Variants in TSGA13 observed in about 807,000 individuals in gnomAD.
TSGA13 encodes the protein testis specific 13.
A neutral mutation model predicts 35.1 loss-of-function variants in TSGA13; 37 were observed. That is an observed-to-expected ratio of 1.05 (90% CI 0.81 to 1.39). The LOEUF (loss-of-function observed/expected upper bound fraction) is 1.39, where lower values mean the gene tolerates loss of function less well. Ranked by LOEUF, TSGA13 falls within the 40% of genes most tolerant of loss-of-function variation. TSGA13 has a pLI of 0.00. For missense variants in TSGA13, 338 were observed against 328.5 expected, an observed-to-expected ratio of 1.03 and a Z score of -0.22; for synonymous variants, 124 against 121.2, an observed-to-expected ratio of 1.02 and a Z score of -0.15.
Position 130,668,900 on chromosome 7 carries a change from TGCGACCCGGGAGCCC to T in TSGA13, c.*99_*113del. 6.8e-7 allele frequency: 1 copy of T among 1,460,712 alleles called. No homozygotes were observed. The highest frequency in any genetic ancestry group is 1.4e-5 in the South Asian group (1 of 73,384). 90.5% of individuals were successfully genotyped at this position (1,460,712 alleles called of 1,614,324 possible). On this transcript the variant is annotated 3_prime_UTR_variant, in exon 8 of 8. Coordinates refer to ENST00000356588, the MANE Select transcript of TSGA13 (RefSeq NM_052933.4). ...AGACTTCGGCTCGACCCTCCCGGCT[TGCGACCCGGGAGCCC>T]ACGCCCGCAGCAGCAGGAATGTGGT...
At chr7:130,687,427 G>A (rs1228165620), upstream of TSGA13, 1 of 152,100 alleles carries the variant, frequency 6.6e-6, no homozygotes, top group Non-Finnish European at 1.5e-5. Flanking sequence ...TGTATCTTAT[G>A]CATTCAAAAC....
In TSGA13 at chr7:130,679,018, C is replaced by A. The variant is rs548730895; in HGVS notation, c.387+137G>T. On this transcript the variant is annotated intron_variant, in intron 5 of 7. Coordinates refer to ENST00000356588, the MANE Select transcript of TSGA13 (RefSeq NM_052933.4). The stretch of plus-strand genomic sequence containing the variant: ...GTCCGGCCTGGGTAACAGAGTGAGA[C>A]CCTATCTCAAACAAACAAACAAAAA... The A allele has an allele frequency of 2.4e-5, 17 of 709,272 alleles. No individual in the cohort carries two copies. The East Asian group carries it at 4.5e-4, about 19-fold the overall frequency. The allele number at this position is 709,272 out of a possible 1,614,324, so 43.9% of individuals were successfully genotyped here.
At position 130,668,889 on chromosome 7, in the gene TSGA13, C is replaced by G. The variant is rs1019092550; in HGVS notation, c.*125G>C. 1 of 1,437,068 alleles carries G rather than the reference C, an allele frequency of 7.0e-7. No individual in the cohort carries two copies. The highest frequency in any genetic ancestry group is 9.3e-7 in the Non-Finnish European group (1 of 1,070,012). 89.0% of individuals were successfully genotyped at this position (1,437,068 alleles called of 1,614,324 possible). A position where few individuals can be genotyped will look rare whatever the true frequency, so the allele number is the denominator to read the frequency against. ...CGGCCCGCCGGAGACTTCGGCTCGACCCTCCCGGCTTGCGACCCGGGAGCC... is the reference window on the plus strand; with the variant it reads ...CGGCCCGCCGGAGACTTCGGCTCGAGCCTCCCGGCTTGCGACCCGGGAGCC... On this transcript the variant is annotated 3_prime_UTR_variant, in exon 8 of 8. Transcript: ENST00000356588.
chr7:130,668,707 TCC>T lies in TSGA13; in HGVS notation c.*305_*306del, dbSNP rs782716821. ...CCAGCGCCCAGACCCACCGCAACCG[TCC>T]CAGGCGCCGCAGCCGGCGAGCGGAA... On this transcript the variant is annotated 3_prime_UTR_variant, in exon 8 of 8. Transcript: ENST00000356588. The T allele has an allele frequency of 6.6e-7, 1 of 1,513,424 alleles. No individual in the cohort carries two copies. Among genetic ancestry groups the T allele is most frequent in the Middle Eastern group, 1.7e-4 (1 of 5,836 alleles). 93.7% of individuals were successfully genotyped at this position (1,513,424 alleles called of 1,614,324 possible).
chr7:130,686,763 C>T (rs1554465816), upstream of TSGA13: 1 of 152,074 alleles, frequency 6.6e-6, no homozygotes, highest in African/African-American at 2.4e-5. Context: ...CTTAATCTAC[C>T]TCTACCTAAG....
intron 4 of TSGA13, among the ~76,000 whole-genome samples, chr7:130,679,676 AT>A (rs1425194716): frequency 6.6e-6 from 1 of 151,822 alleles, no homozygotes; most frequent in Non-Finnish European, 1.5e-5. Context: ...TGTCCAGCTG[AT>A]TTTTGTGGGT....
In TSGA13 at chr7:130,669,044, C is replaced by G. The variant is rs1554462381; in HGVS notation, c.798G>C (p.Trp266Cys). 1 of 1,614,180 alleles carries G rather than the reference C, an allele frequency of 6.2e-7. No homozygotes were observed. Among genetic ancestry groups the G allele is most frequent in the East Asian group, 2.2e-5 (1 of 44,878 alleles). The change falls in exon 8 of 8, where the codon TGG becomes TGC. Residue 266 changes from tryptophan to cysteine, a missense_variant. Transcript: ENST00000356588. ...CGATGACCGTGGCCTTTTTGATAAT[C>G]CACTGCGGGGCCCTCCCGTTGCGGA... ...SAFRNGRAPQ[W>C]IIKKATVIG
intron 5 of TSGA13, among the ~76,000 whole-genome samples, chr7:130,674,169 C>CTTTTTTTTTTTT (rs1162370815): frequency 2.5e-4 from 25 of 98,410 alleles, no homozygotes; most frequent in East Asian, 7.1e-4. Flanking sequence ...TTCTTTTTTT[C>CTTTTTTTTTTTT]TTTTTTTTTT....
At chr7:130,679,561 G>A (rs1796494192) in intron 4 of TSGA13, among the ~76,000 whole-genome samples, 194 bp from the exon 5 acceptor site, 1 of 152,076 alleles carries the variant, frequency 6.6e-6, no homozygotes, top group South Asian at 2.1e-4. Context: ...CCAGGCTGGA[G>A]CCCAGTGGCA....
intron 4 of TSGA13, among the ~76,000 whole-genome samples, chr7:130,680,209 T>G (rs1448164738): frequency 3.3e-5 from 5 of 152,020 alleles, no homozygotes; most frequent in Non-Finnish European, 7.4e-5. Context: ...AGCACAATGT[T>G]AAAAAAGGAA....
At chr7:130,682,100 C>A (rs1554465180) in intron 3 of TSGA13, among the ~76,000 whole-genome samples, 1 of 151,594 alleles carries the variant, frequency 6.6e-6, no homozygotes, top group Admixed American at 6.6e-5. Context: ...CCACCATGCC[C>A]AGCTATTATT....
At chr7:130,680,668 AT>A (rs1554464948) in intron 4 of TSGA13, among the ~76,000 whole-genome samples, 1 of 151,888 alleles carries the variant, frequency 6.6e-6, no homozygotes, top group African/African-American at 2.4e-5. Context: ...TTACAAATAT[AT>A]TTTTTTCCTG....
At chr7:130,681,123 CACTAAGTAAG>C (rs1270756158) in intron 3 of TSGA13, 106 bp from the exon 4 acceptor site, 1 of 936,354 alleles carries the variant, frequency 1.1e-6, no homozygotes, top group Non-Finnish European at 1.7e-6. Flanking sequence ...CTCTAACTTA[CACTAAGTAAG>C]TTAGAGAAGT....
intron 5 of TSGA13, among the ~76,000 whole-genome samples, chr7:130,673,985 C>T (rs1796347082): frequency 6.6e-6 from 1 of 151,538 alleles, no homozygotes; most frequent in Admixed American, 6.6e-5. Context: ...TTCCCAGCTA[C>T]TTGGGAGGCT....
Position 130,668,890 on chromosome 7 carries a change from C to A in TSGA13, c.*124G>T. The A allele has an allele frequency of 1.4e-6, 2 of 1,436,118 alleles. No individual in the cohort carries two copies. Among genetic ancestry groups the A allele is most frequent in the Non-Finnish European group, 1.9e-6 (2 of 1,069,114 alleles). 89.0% of individuals were successfully genotyped at this position (1,436,118 alleles called of 1,614,324 possible). On this transcript the variant is annotated 3_prime_UTR_variant, in exon 8 of 8. Transcript: ENST00000356588. ...GGCCCGCCGGAGACTTCGGCTCGACCCTCCCGGCTTGCGACCCGGGAGCCC... is the reference window on the plus strand; with the variant it reads ...GGCCCGCCGGAGACTTCGGCTCGACACTCCCGGCTTGCGACCCGGGAGCCC...
At position 130,679,195 on chromosome 7, in the gene TSGA13, G is replaced by T. The variant is rs782139719; in HGVS notation, c.347C>A (p.Ala116Glu). 1.2e-6 allele frequency: 2 copies of T among 1,614,046 alleles called. No homozygotes were observed. Among genetic ancestry groups the T allele is most frequent in the South Asian group, 2.2e-5 (2 of 91,090 alleles). ...TAACTCCTTGGAAAAATATTTTGAT[G>T]CACTCTCCTTGTCTTGCTGGGTGAT... The part of the protein sequence containing the change: ...CSITQQDKES[A>E]SKYFSKELLL... Residue 116 changes from alanine (A) to glutamate (E), a missense_variant, in exon 5 of 8, where the codon GCA (alanine) becomes GAA (glutamate). Transcript: ENST00000356588.
chr7:130,672,650 A>T (rs1306521925), intron 6 of TSGA13, 84 bp downstream of exon 6: 1 of 1,543,806 alleles, frequency 6.5e-7, no homozygotes, highest in African/African-American at 1.4e-5. Context: ...AGAATATGTC[A>T]TTAAATTGTA....
rs1796478062 is a variant in TSGA13, at chr7:130,679,137, C to T, written c.387+18G>A. On this transcript the variant is annotated intron_variant, in intron 5 of 7. Coordinates refer to ENST00000356588, the MANE Select transcript of TSGA13 (RefSeq NM_052933.4). The stretch of plus-strand genomic sequence containing the variant: ...TCGTCAGGGTTCACATTTTGGGTGC[C>T]AGGAGACTTCTGCTTACCATGACCT... 1.2e-6 allele frequency: 2 copies of T among 1,604,140 alleles called. No homozygotes were observed. Among genetic ancestry groups the T allele is most frequent in the Non-Finnish European group, 8.5e-7 (1 of 1,171,514 alleles).
rs926263720 is a variant in TSGA13, at chr7:130,670,971, G to T, written c.658+690C>A. ...TCTTTCACATATTGAAAGTGATATT[G>T]TTGGTGCTTGGTAAGTGTCAGACAC... is the stretch of plus-strand genomic sequence containing the variant. On this transcript the variant is annotated intron_variant, in intron 7 of 7. Transcript: ENST00000356588. Among the ~76,000 whole-genome samples the T allele has an allele frequency of 6.8e-5, 8 of 117,604 alleles. No homozygotes were observed. In the South Asian group the frequency reaches 2.0e-3, roughly 29 times the overall value. The allele number at this position is 117,604 out of a possible 152,430, so 77.2% of individuals were successfully genotyped here. A position where few individuals can be genotyped will look rare whatever the true frequency, so the allele number is the denominator to read the frequency against.
Sources: allele counts gnomAD v4.1 joint callset (sites outside exome capture counted in the v4.1 genomes callset), GRCh38; gene constraint gnomAD v4.1.1; transcripts MANE v1.5; gene names NCBI Gene and HGNC (gene_info 2026-07-23, HGNC 2026-07-21).